ANKS1B: variants seen among roughly 807,000 people sequenced by gnomAD.
ANKS1B encodes the protein ankyrin repeat and sterile alpha motif domain containing 1B.
Under a neutral mutation model 148.3 loss-of-function variants are expected in ANKS1B, and 36 were observed. That is an observed-to-expected ratio of 0.24 (90% confidence interval 0.19 to 0.32). The LOEUF (loss-of-function observed/expected upper bound fraction) is 0.32, where lower values mean the gene tolerates loss of function less well. Ranked by LOEUF, ANKS1B falls within the 10% of genes least tolerant of loss-of-function variation. The pLI is 1.00. For missense variants in ANKS1B, 1,157 were observed against 1,542.6 expected (o/e 0.75, Z 4.19); for synonymous variants, 542 against 560.8 (o/e 0.97, Z 0.47).
intron 15 of ANKS1B, among the ~76,000 whole-genome samples, chr12:99,120,056 C>T (rs2062366742): frequency 6.6e-6 from 1 of 152,206 alleles, no homozygotes; most frequent in Non-Finnish European, 1.5e-5. Context: ...TCGCCTGTCC[C>T]GGCAACTCAG....
intron 4 of ANKS1B, among the ~76,000 whole-genome samples, chr12:99,800,441 CA>C (rs138056927): frequency 0.45 from 38,979 of 86,666 alleles, 4,849 homozygotes; most frequent in East Asian, 0.52. Flanking sequence ...ATACAGAAGC[CA>C]AAAAAAAAAA....
At chr12:99,955,579 G>A (rs1464801098) in intron 1 of ANKS1B, among the ~76,000 whole-genome samples, 1 of 140,954 alleles carries the variant, frequency 7.1e-6, no homozygotes, top group Non-Finnish European at 1.5e-5. Context: ...TCTTCTTCCT[G>A]CAGTCACCTA....
chr12:99,283,630 T>G (rs1031994893), intron 12 of ANKS1B, among the ~76,000 whole-genome samples: 8 of 152,218 alleles, frequency 5.3e-5, no homozygotes, highest in African/African-American at 1.9e-4. Context: ...GGAAGAACTA[T>G]CTGTATATAA....
At chr12:98,929,067 C>T (rs1368961644) in intron 17 of ANKS1B, among the ~76,000 whole-genome samples, 1 of 149,180 alleles carries the variant, frequency 6.7e-6, no homozygotes, top group African/African-American at 2.5e-5. Flanking sequence ...CACACACACA[C>T]ACACAAGTTC....
chr12:99,006,472 A>G (rs1032490843), intron 17 of ANKS1B, among the ~76,000 whole-genome samples: 1 of 152,174 alleles, frequency 6.6e-6, no homozygotes, highest in Non-Finnish European at 1.5e-5. Context: ...CCTCATTCCT[A>G]TAAACATTTA....
chr12:98,861,702 G>A (rs2099599974), intron 17 of ANKS1B, among the ~76,000 whole-genome samples: 2 of 152,176 alleles, frequency 1.3e-5, no homozygotes, highest in South Asian at 2.1e-4. Context: ...CTAGTCTGAA[G>A]ATATTCATAA....
At chr12:99,844,322 T>C (rs1462821909) in intron 1 of ANKS1B, among the ~76,000 whole-genome samples, 2 of 152,214 alleles carry the variant, frequency 1.3e-5, no homozygotes, top group Non-Finnish European at 2.9e-5. Flanking sequence ...TCCATGCCTA[T>C]GTCCTGAATG....
intron 1 of ANKS1B, among the ~76,000 whole-genome samples, chr12:99,951,187 G>C (rs2095213833): frequency 6.6e-6 from 1 of 152,112 alleles, no homozygotes; most frequent in Non-Finnish European, 1.5e-5. Context: ...AAAGCTTTTA[G>C]GACCTTATTT....
chr12:99,794,815 A>G (rs1012158316), intron 4 of ANKS1B, among the ~76,000 whole-genome samples: 1 of 151,952 alleles, frequency 6.6e-6, no homozygotes, highest in Admixed American at 6.6e-5. Flanking sequence ...AATCAATAAT[A>G]ATTCAATTGT....
At chr12:99,545,753 T>C (rs932501500) in intron 9 of ANKS1B, among the ~76,000 whole-genome samples, 13 of 143,798 alleles carry the variant, frequency 9.0e-5, no homozygotes, top group East Asian at 6.1e-4. Context: ...TACACACACA[T>C]ATATATATAT....
intron 1 of ANKS1B, among the ~76,000 whole-genome samples, chr12:99,888,435 T>C (rs1467639976): frequency 6.6e-6 from 1 of 152,044 alleles, no homozygotes; most frequent in Non-Finnish European, 1.5e-5. Context: ...ACAAAAAGGG[T>C]TCTTCCTCAA....
At chr12:99,286,527 G>C (rs79831227) in intron 12 of ANKS1B, among the ~76,000 whole-genome samples, 2,263 of 152,234 alleles carry the variant, frequency 0.015, 29 homozygotes, top group Non-Finnish European at 0.025. Context: ...AAAGGAGAGG[G>C]AAGAGTAAAG....
chr12:99,531,009 A>G (rs1298105341), intron 9 of ANKS1B, among the ~76,000 whole-genome samples: 1 of 152,032 alleles, frequency 6.6e-6, no homozygotes, highest in African/African-American at 2.4e-5. Flanking sequence ...CTTCTTGCTT[A>G]TGTTCTCCTT....
At chr12:99,174,153 GA>G (rs1475200810) in intron 14 of ANKS1B, among the ~76,000 whole-genome samples, 1 of 152,156 alleles carries the variant, frequency 6.6e-6, no homozygotes, top group African/African-American at 2.4e-5. Flanking sequence ...CCAAGGAATT[GA>G]AGAAAATCTA....
chr12:99,918,796 A>G (rs190846103), intron 1 of ANKS1B, among the ~76,000 whole-genome samples: 14 of 152,336 alleles, frequency 9.2e-5, no homozygotes, highest in African/African-American at 3.1e-4. Context: ...ACAGGTTTCA[A>G]TGTAATCAGA....
At chr12:98,909,325 T>C (rs1357836905) in intron 17 of ANKS1B, among the ~76,000 whole-genome samples, 1 of 152,212 alleles carries the variant, frequency 6.6e-6, no homozygotes, top group African/African-American at 2.4e-5. Flanking sequence ...GAATATGCTT[T>C]TGTATAGTAA....
intron 17 of ANKS1B, among the ~76,000 whole-genome samples, chr12:98,892,871 T>C (rs1367699149): frequency 6.6e-6 from 1 of 152,180 alleles, no homozygotes; most frequent in East Asian, 1.9e-4. Context: ...ATGAATCTAT[T>C]GTCACTCTAC....
At position 99,126,403 on chromosome 12, in the gene ANKS1B, C is replaced by A. The variant is rs192927225; in HGVS notation, c.2526+27886G>T. On this transcript the variant is annotated intron_variant, in intron 15 of 26. Coordinates refer to ENST00000683438, the MANE Select transcript of ANKS1B (RefSeq NM_001352186.2). The stretch of plus-strand genomic sequence containing the variant: ...GTTTCAAGTTGCAAACATAAAGTTT[C>A]CTTTAAGTCTAGTATTTCAATTTAA... Among the ~76,000 whole-genome samples the A allele has an allele frequency of 3.9e-3, 592 of 152,182 alleles. 6 individuals carry two copies. The highest frequency in any genetic ancestry group is 0.013 in the African/African-American group (560 of 41,520).
At chr12:99,867,646 C>A (rs1427353497) in intron 1 of ANKS1B, among the ~76,000 whole-genome samples, 1 of 152,094 alleles carries the variant, frequency 6.6e-6, no homozygotes, top group African/African-American at 2.4e-5. Context: ...TGATTAAATT[C>A]TCTCCCACCG....
Sources: gnomAD v4.1 joint callset for allele counts (sites outside exome capture counted in the v4.1 genomes callset) on GRCh38, gnomAD v4.1.1 for gene constraint, MANE v1.5 for transcripts, NCBI Gene and HGNC (gene_info 2026-07-23, HGNC 2026-07-21) for gene names.